Variants in SEC14L3 observed in about 807,000 individuals in gnomAD.
SEC14L3 encodes SEC14 like lipid binding 3.
In SEC14L3, 56 loss-of-function variants were observed where a neutral mutation model predicts 57.4. The observed-to-expected ratio is 0.97, with a 90% CI of 0.79 to 1.22. The LOEUF (loss-of-function observed/expected upper bound fraction) is 1.22, where lower values mean the gene tolerates loss of function less well. SEC14L3 is among the 50% of genes most tolerant of loss of function. The pLI, the probability that SEC14L3 is intolerant of heterozygous loss-of-function variation, is 0.00. For missense variants in SEC14L3, 485 were observed against 511.7 expected, an observed-to-expected ratio of 0.95 and a Z score of 0.50; for synonymous variants, 173 against 194.4, an observed-to-expected ratio of 0.89 and a Z score of 0.92.
intron 12 of SEC14L3, among the ~76,000 whole-genome samples, chr22:30,453,188 G>A (rs1470543104): frequency 1.3e-5 from 2 of 152,106 alleles, no homozygotes; most frequent in African/African-American, 4.8e-5. Flanking sequence ...ATATCCAGGT[G>A]GCTTTTGCTA....
intron 2 of SEC14L3, 61 bp downstream of exon 2, chr22:30,470,446 A>G (rs1449020506): frequency 5.6e-6 from 9 of 1,610,722 alleles, no homozygotes; most frequent in Non-Finnish European, 7.6e-6. Context: ...ACTCTGGAGC[A>G]GTTGAGACCA....
rs764669690 is a variant in SEC14L3, at chr22:30,462,177, C to T, written c.680G>A (p.Gly227Asp). 1 of 1,613,428 alleles carries T rather than the reference C, an allele frequency of 6.2e-7. No individual in the cohort carries two copies. The highest frequency in any genetic ancestry group is 1.7e-5 in the Admixed American group (1 of 59,914). ...IIVLGNNWKEGLLKLISPEEL... is the reference protein window; with the variant it reads ...IIVLGNNWKEDLLKLISPEEL... ...CTCAGGACTGATGAGTTTCAGCAAA[C>T]CTTCCTTCCAGTTATCTGGGAGCAG... Residue 227 changes from glycine (G) to aspartate (D), a missense_variant, in exon 9 of 12, where the codon GGT (glycine) becomes GAT (aspartate). Transcript: ENST00000215812.
At chr22:30,467,515 G>C (rs5997655) in intron 5 of SEC14L3, among the ~76,000 whole-genome samples, 1 of 151,634 alleles carries the variant, frequency 6.6e-6, no homozygotes, top group African/African-American at 2.4e-5. Context: ...TCCTTAAAAA[G>C]TTCACTGTCT....
At chr22:30,464,631 A>G (rs1394232167) in intron 8 of SEC14L3, among the ~76,000 whole-genome samples, 189 bp downstream of exon 8, 1 of 152,030 alleles carries the variant, frequency 6.6e-6, no homozygotes, top group Non-Finnish European at 1.5e-5. Flanking sequence ...GGGTCTTGCT[A>G]TGTTGCTGTG....
At chr22:30,450,701 G>A (rs1934965024) in intron 12 of SEC14L3, among the ~76,000 whole-genome samples, 1 of 152,160 alleles carries the variant, frequency 6.6e-6, no homozygotes, top group Admixed American at 6.5e-5. Flanking sequence ...GGAATTTCAT[G>A]GTCCTGAAAG....
intron 12 of SEC14L3, among the ~76,000 whole-genome samples, chr22:30,452,717 C>CTTTCTT (rs71328853): frequency 7.6e-6 from 1 of 131,644 alleles, no homozygotes; most frequent in Non-Finnish European, 1.6e-5. Flanking sequence ...TTCTTTCTTT[C>CTTTCTT]TTTTTTTTTT....
chr22:30,467,394 C>T (rs1334422161), intron 5 of SEC14L3, among the ~76,000 whole-genome samples: 1 of 151,824 alleles, frequency 6.6e-6, no homozygotes, highest in Admixed American at 6.6e-5. Context: ...CTCCATTTTT[C>T]CATAATATAA....
At chr22:30,468,929 G>T in intron 4 of SEC14L3, 3 of 1,477,848 alleles carry the variant, frequency 2.0e-6, no homozygotes, top group East Asian at 2.5e-5. Context: ...GACTTCTTAG[G>T]TCTGCCCCTG....
chr22:30,457,058 G>C (rs913495760), downstream of SEC14L3, among the ~76,000 whole-genome samples: 2 of 152,120 alleles, frequency 1.3e-5, no homozygotes, highest in Admixed American at 6.5e-5. Context: ...AGGCACAAAG[G>C]GTCCACACTC....
intron 7 of SEC14L3, among the ~76,000 whole-genome samples, chr22:30,465,679 CTCAA>C (rs1460707727): frequency 1.3e-5 from 2 of 152,206 alleles, no homozygotes; most frequent in East Asian, 3.8e-4. Flanking sequence ...CAACCAGCCA[CTCAA>C]TCAGTCAACC....
Position 30,452,717 on chromosome 22 carries a change from C to CTT in SEC14L3, c.905-3475_905-3474dup, listed in dbSNP as rs71198554. Among the ~76,000 whole-genome samples the CTT allele has an allele frequency of 4.2e-3, 551 of 131,626 alleles. 6 individuals are homozygous for CTT. The highest frequency in any genetic ancestry group is 8.8e-3 in the South Asian group (36 of 4,068). 86.4% of individuals were successfully genotyped at this position (131,626 alleles called of 152,430 possible). On this transcript the variant is annotated intron_variant, in intron 12 of 12. Transcript: ENST00000403066. ...GCTCTTCCTCTTTCTTTCTTTCTTT[C>CTT]TTTTTTTTTTTTTTTTGACAGGTTC... is the stretch of plus-strand genomic sequence containing the variant.
At chr22:30,464,366 T>C (rs1601820378) in intron 8 of SEC14L3, among the ~76,000 whole-genome samples, 1 of 152,232 alleles carries the variant, frequency 6.6e-6, no homozygotes, top group African/African-American at 2.4e-5. Flanking sequence ...AGAGCAAAGG[T>C]AACACTCTTT....
downstream of SEC14L3, among the ~76,000 whole-genome samples, chr22:30,455,217 AATAAT>A (rs934605724): frequency 2.9e-5 from 3 of 104,056 alleles, no homozygotes; most frequent in African/African-American, 7.2e-5. Flanking sequence ...ATAAATATTA[AATAAT>A]ATAATATATA....
At chr22:30,456,215 C>T (rs1935116250), downstream of SEC14L3, among the ~76,000 whole-genome samples, 1 of 144,792 alleles carries the variant, frequency 6.9e-6, no homozygotes, top group African/African-American at 2.6e-5. Flanking sequence ...GGGAGAATTG[C>T]TTTAACCCAG....
chr22:30,449,031 A>G, exon 13 of SEC14L3: 1 of 1,507,616 alleles, frequency 6.6e-7, no homozygotes, highest in Non-Finnish European at 9.0e-7. Flanking sequence ...TTAACTGGAG[A>G]CCACGTAGGG....
chr22:30,466,338 C>A lies in SEC14L3; in HGVS notation c.576G>T (p.Val192=), dbSNP rs1182927615. ...GTGAAGTCATTTGTCACATACCTTT[C>A]ACGATGAGCATGAACTTCAGGGTCT... The part of the protein sequence containing the change: ...YPETLKFMLI[V]KATKLFPVGY... Residue 192 remains valine, a synonymous_variant, in exon 7 of 12, where the codon GTG becomes GTT. Coordinates refer to ENST00000215812, the MANE Select transcript of SEC14L3 (RefSeq NM_174975.5). 1 of 1,613,972 alleles carries A rather than the reference C, an allele frequency of 6.2e-7. No individual in the cohort carries two copies. The highest frequency in any genetic ancestry group is 1.1e-5 in the South Asian group (1 of 91,032).
At chr22:30,469,505 T>C (rs1001967058) in intron 4 of SEC14L3, among the ~76,000 whole-genome samples, 1 of 152,194 alleles carries the variant, frequency 6.6e-6, no homozygotes, top group African/African-American at 2.4e-5. Context: ...GTACATGCCC[T>C]ACAAGTGAAG....
chr22:30,468,197 T>C (rs1476862871), intron 5 of SEC14L3, among the ~76,000 whole-genome samples: 6 of 151,690 alleles, frequency 4.0e-5, no homozygotes, highest in Non-Finnish European at 8.8e-5. Flanking sequence ...GAAAATCCCT[T>C]GAACCTGGGA....
Position 30,460,065 on chromosome 22 carries a change from C to T in SEC14L3, c.1159G>A (p.Asp387Asn). 3.1e-6 allele frequency: 5 copies of T among 1,614,152 alleles called. No homozygotes were observed. The highest frequency in any genetic ancestry group is 4.2e-6 in the Non-Finnish European group (5 of 1,180,020). Reference protein sequence around the residue: ...VSFTVEVLLPDEGMQKYDKEL... With the variant: ...VSFTVEVLLPNEGMQKYDKEL... ...TTATCATATTTCTGCATGCCCTCGT[C>T]AGGGAGCAGGACCTCCACTGTGAAG... Residue 387 changes from aspartate to asparagine, a missense_variant, in exon 12 of 12, where the codon GAC becomes AAC. Transcript: ENST00000215812.
Sources: gnomAD v4.1 joint callset for allele counts (sites outside exome capture counted in the v4.1 genomes callset) on GRCh38, gnomAD v4.1.1 for gene constraint, MANE v1.5 for transcripts, NCBI Gene and HGNC (gene_info 2026-07-23, HGNC 2026-07-21) for gene names.